EXOC2: variants seen among roughly 807,000 people sequenced by gnomAD.
The protein encoded by EXOC2 is SEC5-like 1.
Under a neutral mutation model 131.8 loss-of-function variants are expected in EXOC2, and 70 were observed. The ratio of observed to expected loss-of-function variants is 0.53; its 90% CI spans 0.44 to 0.65. The LOEUF is 0.65. EXOC2 is among the 30% of genes least tolerant of loss of function. The pLI, the probability that EXOC2 is intolerant of heterozygous loss-of-function variation, is 0.00. For missense variants in EXOC2, 923 were observed against 1,108.6 expected (o/e 0.83, Z 2.38); for synonymous variants, 411 against 398.4 (o/e 1.03, Z -0.38).
intron 1 of EXOC2, among the ~76,000 whole-genome samples, chr6:680,790 A>G (rs554190219): frequency 2.0e-5 from 3 of 152,322 alleles, no homozygotes; most frequent in Admixed American, 2.0e-4. Context: ...AAGGGATGAA[A>G]AAAAGTTACT....
intron 23 of EXOC2, among the ~76,000 whole-genome samples, chr6:509,683 AAAC>A (rs1406950919): frequency 6.6e-6 from 1 of 152,244 alleles, no homozygotes; most frequent in Non-Finnish European, 1.5e-5. Context: ...TAATTACAAT[AAAC>A]AACTGCTATG....
At chr6:639,045 T>C (rs893757949) in intron 1 of EXOC2, among the ~76,000 whole-genome samples, 1 of 152,138 alleles carries the variant, frequency 6.6e-6, no homozygotes, top group African/African-American at 2.4e-5. Context: ...GACTTGCTGG[T>C]GACCTGTATC....
At chr6:640,343 T>C (rs1400549669) in intron 1 of EXOC2, among the ~76,000 whole-genome samples, 1 of 152,170 alleles carries the variant, frequency 6.6e-6, no homozygotes, top group Non-Finnish European at 1.5e-5. Context: ...AGGGTATCGT[T>C]TTCTGACCCC....
Position 607,474 on chromosome 6 carries a change from C to T in EXOC2, c.742+2624G>A, listed in dbSNP as rs534913416. ...TGCCCTGCAGTAGGCCCTCCACAAG[C>T]GTGAGCTACGACTGCCACAGCTACT... On this transcript the variant is annotated intron_variant, in intron 7 of 27. Transcript: ENST00000230449. 8.0e-4 allele frequency among the ~76,000 whole-genome samples: 122 copies of T among 152,356 alleles called. 1 individual carries two copies. Among genetic ancestry groups the T allele is most frequent in the African/African-American group, 2.8e-3 (117 of 41,584 alleles).
intron 1 of EXOC2, among the ~76,000 whole-genome samples, chr6:682,199 C>CTTTTTTTTT (rs10654916): frequency 7.7e-6 from 1 of 129,638 alleles, no homozygotes; most frequent in African/African-American, 3.0e-5. Flanking sequence ...TTCCCAGTTT[C>CTTTTTTTTT]TTTTTTTTTT....
chr6:646,111 C>T (rs901340976), intron 1 of EXOC2, among the ~76,000 whole-genome samples: 1 of 152,186 alleles, frequency 6.6e-6, no homozygotes, highest in Non-Finnish European at 1.5e-5. Context: ...ACAGATCCTT[C>T]TCAGTGATTC....
chr6:619,766 T>G lies in EXOC2; in HGVS notation c.423-223A>C, dbSNP rs565774602. 2.0e-5 allele frequency among the ~76,000 whole-genome samples: 3 copies of G among 152,318 alleles called. 1 individual carries two copies. The South Asian group carries it at 6.2e-4, about 32-fold the overall frequency. On this transcript the variant is annotated intron_variant, in intron 4 of 27. Coordinates refer to ENST00000230449, the MANE Select transcript of EXOC2 (RefSeq NM_018303.6). ...AAACTTTGATTTTATATAGAAAAGATAGGAAACTAGTTGAAATACAGAAAT... is the reference window on the plus strand; with the variant it reads ...AAACTTTGATTTTATATAGAAAAGAGAGGAAACTAGTTGAAATACAGAAAT...
chr6:594,802 G>C (rs974322419), intron 10 of EXOC2, among the ~76,000 whole-genome samples: 2 of 152,048 alleles, frequency 1.3e-5, no homozygotes, highest in Non-Finnish European at 2.9e-5. Context: ...ACTTGTGCTG[G>C]GCTCTTCAAA....
At chr6:589,791 C>A (rs1353001583) in intron 11 of EXOC2, among the ~76,000 whole-genome samples, 1 of 152,170 alleles carries the variant, frequency 6.6e-6, no homozygotes, top group Non-Finnish European at 1.5e-5. Context: ...AGGGGTAAGG[C>A]CAAGAATTGA....
intron 5 of EXOC2, 21 bp downstream of exon 5, chr6:619,409 G>A (rs1761171206): frequency 2.5e-6 from 4 of 1,575,536 alleles, no homozygotes; most frequent in South Asian, 1.1e-5. Context: ...CTTCACAGTT[G>A]ACAGTCCCAT....
chr6:499,588 T>A (rs747508591), intron 24 of EXOC2, 57 bp downstream of exon 24: 1 of 1,433,620 alleles, frequency 7.0e-7, no homozygotes, highest in Admixed American at 1.9e-5. Flanking sequence ...TTTACATCTT[T>A]CTTTTTTCTT....
intron 13 of EXOC2, among the ~76,000 whole-genome samples, chr6:570,427 C>G (rs1758216078): frequency 6.6e-6 from 1 of 152,248 alleles, no homozygotes. Flanking sequence ...GCCACCGCGC[C>G]TGGCCCTAAA....
chr6:661,305 A>G (rs771170046), intron 1 of EXOC2, among the ~76,000 whole-genome samples: 62 of 152,342 alleles, frequency 4.1e-4, no homozygotes, highest in Admixed American at 3.4e-3. Context: ...TGGGAAATTC[A>G]TTGCAAAAAG....
At chr6:605,361 A>G (rs1398126708) in intron 7 of EXOC2, among the ~76,000 whole-genome samples, 1 of 152,264 alleles carries the variant, frequency 6.6e-6, no homozygotes, top group Non-Finnish European at 1.5e-5. Context: ...ACAATTTTTT[A>G]AAGTACAACT....
At chr6:611,548 T>C (rs1301236386) in intron 6 of EXOC2, among the ~76,000 whole-genome samples, 1 of 152,204 alleles carries the variant, frequency 6.6e-6, no homozygotes, top group Non-Finnish European at 1.5e-5. Context: ...CCCTTTTTGC[T>C]GACAGACTAA....
chr6:692,768 T>C (rs889070685), intron 1 of EXOC2, among the ~76,000 whole-genome samples: 28 of 139,004 alleles, frequency 2.0e-4, no homozygotes, highest in Admixed American at 7.3e-5. Flanking sequence ...CCGGCGCAGG[T>C]GGGGACCGCG....
At chr6:569,068 C>T (rs899852430) in intron 13 of EXOC2, among the ~76,000 whole-genome samples, 5 of 151,958 alleles carry the variant, frequency 3.3e-5, no homozygotes, top group African/African-American at 1.2e-4. Context: ...TAAAGTTTGC[C>T]CTATTTTTAA....
At chr6:570,741 G>A (rs562204741) in intron 13 of EXOC2, among the ~76,000 whole-genome samples, 1 of 152,198 alleles carries the variant, frequency 6.6e-6, no homozygotes, top group Non-Finnish European at 1.5e-5. Context: ...CTAAGGTCAC[G>A]GCTAGGAAGT....
chr6:599,133 G>A lies in EXOC2; in HGVS notation c.835C>T (p.Arg279Ter), dbSNP rs2127641409. The A allele has an allele frequency of 1.2e-6, 2 of 1,612,884 alleles. No individual in the cohort carries two copies. Among genetic ancestry groups the A allele is most frequent in the East Asian group, 2.2e-5 (1 of 44,796 alleles). Residue 279 changes from arginine (R) to a stop codon, truncating the protein, a stop_gained, in exon 8 of 28, where the codon CGA becomes TGA. Transcript: ENST00000230449. LOFTEE classifies it high-confidence loss of function. Reference protein sequence around the residue: ...STRNALNVLQRFKFLFNLPLN... With the variant: ...STRNALNVLQ ...GGAAGGTTGAAAAGAAACTTAAATCGCTGAAGCACATTGAGTGCATTTCTA... is the reference window on the plus strand; with the variant it reads ...GGAAGGTTGAAAAGAAACTTAAATCACTGAAGCACATTGAGTGCATTTCTA...
Sources: gnomAD v4.1 joint callset for allele counts (sites outside exome capture counted in the v4.1 genomes callset) on GRCh38, gnomAD v4.1.1 for gene constraint, MANE v1.5 for transcripts, NCBI Gene and HGNC (gene_info 2026-07-23, HGNC 2026-07-21) for gene names.